POU6F2: variants seen among roughly 807,000 people sequenced by gnomAD.
POU6F2 encodes POU domain, class 6, transcription factor 2.
POU6F2 carries 31 observed loss-of-function variants against 71.3 expected under a neutral mutation model. The observed-to-expected ratio is 0.43, with a 90% CI of 0.33 to 0.59. POU6F2 has a LOEUF of 0.59. Ranked by LOEUF, POU6F2 falls within the 20% of genes least tolerant of loss-of-function variation. The pLI, the probability that POU6F2 is intolerant of heterozygous loss-of-function variation, is 0.04. For synonymous variants in POU6F2, 347 were observed against 355.7 expected (o/e 0.98, Z 0.27); for missense variants, 783 against 856.8 (o/e 0.91, Z 1.07).
Position 39,464,110 on chromosome 7 carries a change from G to A in POU6F2, c.1659-72G>A. On this transcript the variant is annotated intron_variant, in intron 9 of 9. Transcript: ENST00000518318. The surrounding 1 kb of genome is among the most constrained non-coding windows in gnomAD (Gnocchi z 4.1). ...TAAATTCGCCCTGCCAGGCAGTCAG[G>A]CAGGCAGGCAGGAGGCCCACCCTGG... 6 of 1,489,626 alleles carry A rather than the reference G, an allele frequency of 4.0e-6. No individual in the cohort carries two copies. Among genetic ancestry groups the A allele is most frequent in the Non-Finnish European group, 5.5e-6 (6 of 1,096,430 alleles). The allele number at this position is 1,489,626 out of a possible 1,614,324, so 92.3% of individuals were successfully genotyped here. A position where few individuals can be genotyped will look rare whatever the true frequency, so the allele number is the denominator to read the frequency against.
chr7:39,109,105 G>A (rs571126586), intron 2 of POU6F2, among the ~76,000 whole-genome samples: 11 of 152,156 alleles, frequency 7.2e-5, no homozygotes, highest in Non-Finnish European at 1.6e-4. Flanking sequence ...GAGTGCAGTG[G>A]TGTGATCATG....
At chr7:39,432,283 C>T (rs143615266) in intron 6 of POU6F2, among the ~76,000 whole-genome samples, 84 of 152,262 alleles carry the variant, frequency 5.5e-4, no homozygotes, top group African/African-American at 2.0e-3. Flanking sequence ...GCCACAGAAG[C>T]CCCAAGCCCC....
chr7:39,056,954 C>T (rs1211363656), intron 1 of POU6F2, among the ~76,000 whole-genome samples: 2 of 152,012 alleles, frequency 1.3e-5, no homozygotes, highest in South Asian at 2.1e-4. Flanking sequence ...TGGAATCAAA[C>T]GAGATTCAGA....
At chr7:39,443,221 A>T (rs1583608331) in intron 7 of POU6F2, among the ~76,000 whole-genome samples, 1 of 152,196 alleles carries the variant, frequency 6.6e-6, no homozygotes, top group Admixed American at 6.5e-5. Flanking sequence ...ACTGGAAAAA[A>T]AAGCCAGCTT....
intron 1 of POU6F2, among the ~76,000 whole-genome samples, chr7:39,015,497 T>A (rs1789458668): frequency 1.0e-5 from 1 of 96,466 alleles, no homozygotes; most frequent in Admixed American, 1.4e-4. Context: ...TATAGATATA[T>A]TATATATTAT....
At chr7:39,067,342 G>T (rs11765705) in intron 1 of POU6F2, among the ~76,000 whole-genome samples, 38,260 of 151,558 alleles carry the variant, frequency 0.25, 5,582 homozygotes, top group East Asian at 0.73. Flanking sequence ...TTAAAAATGG[G>T]TGTATATGCA....
intron 5 of POU6F2, among the ~76,000 whole-genome samples, chr7:39,380,780 A>G (rs1786811834): frequency 6.6e-6 from 1 of 152,098 alleles, no homozygotes; most frequent in South Asian, 2.1e-4. Context: ...GGTTCTCTTC[A>G]CAGTGATATT....
At chr7:39,419,003 ATGTG>A (rs543407191) in intron 6 of POU6F2, among the ~76,000 whole-genome samples, 33 of 143,892 alleles carry the variant, frequency 2.3e-4, no homozygotes, top group Middle Eastern at 3.6e-3. Context: ...ATGTGTATAT[ATGTG>A]TATATATGTA....
chr7:39,256,264 T>C (rs1247505049), intron 4 of POU6F2, among the ~76,000 whole-genome samples: 1 of 151,864 alleles, frequency 6.6e-6, no homozygotes, highest in East Asian at 1.9e-4. Context: ...CCTCAACGAG[T>C]GCTTAGAACA....
chr7:39,274,745 T>C (rs1449231452), intron 4 of POU6F2, among the ~76,000 whole-genome samples: 1 of 112,782 alleles, frequency 8.9e-6, no homozygotes, highest in Non-Finnish European at 1.8e-5. Context: ...GCTGGTTCAA[T>C]ATATGCAAAT....
chr7:39,136,478 C>T (rs965921404), intron 2 of POU6F2, among the ~76,000 whole-genome samples: 4 of 152,112 alleles, frequency 2.6e-5, no homozygotes, highest in African/African-American at 7.2e-5. Context: ...TATGCACCAA[C>T]GTCCTGGGGT....
At chr7:39,023,864 C>T (rs2128707253) in intron 1 of POU6F2, among the ~76,000 whole-genome samples, 1 of 152,116 alleles carries the variant, frequency 6.6e-6, no homozygotes, top group South Asian at 2.1e-4. Context: ...AGGAAAAAGG[C>T]CCAATGGTTG....
At chr7:39,261,444 C>G (rs987125382) in intron 4 of POU6F2, among the ~76,000 whole-genome samples, 4 of 152,190 alleles carry the variant, frequency 2.6e-5, no homozygotes, top group African/African-American at 9.7e-5. Flanking sequence ...CCATTTTTGG[C>G]CATGATGAAG....
chr7:39,267,931 T>C (rs1210900121), intron 4 of POU6F2, among the ~76,000 whole-genome samples: 1 of 152,232 alleles, frequency 6.6e-6, no homozygotes, highest in Admixed American at 6.5e-5. Context: ...TGTCAGTCTT[T>C]TCCTAAGGTG....
intron 3 of POU6F2, among the ~76,000 whole-genome samples, chr7:39,206,461 T>C (rs1794013676): frequency 6.6e-6 from 1 of 152,056 alleles, no homozygotes; most frequent in Non-Finnish European, 1.5e-5. Context: ...ACAAAAGAAT[T>C]ATTTTCAAAG....
intron 2 of POU6F2, among the ~76,000 whole-genome samples, chr7:39,179,749 C>T (rs1015818764): frequency 2.0e-5 from 3 of 152,188 alleles, no homozygotes; most frequent in African/African-American, 7.2e-5. Context: ...ATCAATGTGG[C>T]TCTGGTTATA....
intron 7 of POU6F2, among the ~76,000 whole-genome samples, chr7:39,440,864 G>A (rs540196214): frequency 1.2e-4 from 18 of 152,102 alleles, no homozygotes; most frequent in Admixed American, 1.0e-3. Flanking sequence ...GAGGGTTTTT[G>A]TGAGGGCTTG....
chr7:39,271,709 A>C (rs2128756989), intron 4 of POU6F2, among the ~76,000 whole-genome samples: 1 of 152,320 alleles, frequency 6.6e-6, no homozygotes, highest in Middle Eastern at 3.4e-3. Context: ...TCCGTCAGTA[A>C]CATGCCTATA....
At chr7:39,010,015 T>C (rs901374447) in intron 1 of POU6F2, among the ~76,000 whole-genome samples, 34 of 151,080 alleles carry the variant, frequency 2.3e-4, no homozygotes, top group African/African-American at 8.3e-4. Flanking sequence ...CAGGCTTTGG[T>C]ATCAGAATGA....
Sources: gnomAD v4.1 joint callset for allele counts (sites outside exome capture counted in the v4.1 genomes callset) on GRCh38, gnomAD v4.1.1 for gene constraint, Gnocchi (gnomAD v3.1) non-coding constraint, MANE v1.5 for transcripts, NCBI Gene and HGNC (gene_info 2026-07-23, HGNC 2026-07-21) for gene names.